Variants in ELL observed in about 807,000 individuals in gnomAD.
ELL encodes the protein elongation factor for RNA polymerase II.
ELL carries 18 observed loss-of-function variants against 64.0 expected under a neutral mutation model. The ratio of observed to expected loss-of-function variants is 0.28; its 90% CI spans 0.19 to 0.42. The LOEUF (loss-of-function observed/expected upper bound fraction) is 0.42. ELL is among the 10% of genes least tolerant of loss of function. ELL has a pLI of 1.00. For synonymous variants in ELL, 399 were observed against 376.2 expected, an observed-to-expected ratio of 1.06 and a Z score of -0.70; for missense variants, 797 against 870.4, an observed-to-expected ratio of 0.92 and a Z score of 1.06.
chr19:18,497,359 G>A (rs1025825744), intron 1 of ELL, among the ~76,000 whole-genome samples: 4 of 152,202 alleles, frequency 2.6e-5, no homozygotes, highest in African/African-American at 7.2e-5. Context: ...GGATGCCAGC[G>A]GGCAGAGGGG....
Position 18,493,468 on chromosome 19 carries a change from C to T in ELL, c.136-20586G>A, listed in dbSNP as rs568573820. On this transcript the variant is annotated intron_variant, in intron 1 of 11. Transcript: ENST00000262809. ...GGCTCCCCAAATGCAGGGCCTGGTG[C>T]TCCAACTTGGGTGGAAAACAGAGAC... Among the ~76,000 whole-genome samples, 9 of 152,374 alleles carry T rather than the reference C, an allele frequency of 5.9e-5. 1 individual carries two copies. In the South Asian group the frequency reaches 1.7e-3, roughly 28 times the overall value.
rs1251461614 is a variant in ELL at position 18,521,977 on chromosome 19, G to T, written c.79C>A (p.His27Asn). The T allele has an allele frequency of 6.2e-7, 1 of 1,611,216 alleles. No individual in the cohort carries two copies. Residue 27 changes from histidine (H) to asparagine (N), a missense_variant, in exon 1 of 12, where the codon CAC (histidine) becomes AAC (asparagine). His to Asn is a moderately conservative substitution (Grantham distance 68). Coordinates refer to ENST00000262809, the MANE Select transcript of ELL (RefSeq NM_006532.4). ...AGGGCACTGTCGGTGAGCTTCACGTGGAACACCGACACCTTGCTGCCGTCG... is the reference window on the plus strand; with the variant it reads ...AGGGCACTGTCGGTGAGCTTCACGTTGAACACCGACACCTTGCTGCCGTCG... ...VSDGSKVSVF[H>N]VKLTDSALRA...
chr19:18,500,530 G>A (rs531016356), intron 1 of ELL, among the ~76,000 whole-genome samples: 53 of 152,336 alleles, frequency 3.5e-4, no homozygotes, highest in African/African-American at 5.3e-4. Flanking sequence ...TGTTCCCAGA[G>A]AGTCCATTCT....
chr19:18,510,888 G>A (rs7254106), intron 1 of ELL, among the ~76,000 whole-genome samples: 13 of 152,270 alleles, frequency 8.5e-5, no homozygotes, highest in African/African-American at 1.2e-4. Context: ...TTGGGAGGCC[G>A]AGGTGGACAG....
At chr19:18,521,854 A>G in intron 1 of ELL, 67 bp downstream of exon 1, 1 of 1,515,594 alleles carries the variant, frequency 6.6e-7, no homozygotes, top group Non-Finnish European at 8.8e-7. Flanking sequence ...CGCCTCAGTG[A>G]GGGGAGCGCG....
chr19:18,446,366 C>T lies in ELL; in HGVS notation c.1647G>A (p.Arg549=), dbSNP rs1974414096. ...LHARIERITR[R]FTQLDAQLRQ... is the part of the protein sequence containing the mutation. Reference sequence around the variant, plus strand: ...GGAGCTGGGCGTCGAGCTGGGTGAACCGCCGCGTGATGCGCTCAATGCGGG... The same window carrying T: ...GGAGCTGGGCGTCGAGCTGGGTGAATCGCCGCGTGATGCGCTCAATGCGGG... Residue 549 remains arginine (R), a synonymous_variant, in exon 10 of 12, where the codon CGG becomes CGA. Coordinates refer to ENST00000262809, the MANE Select transcript of ELL (RefSeq NM_006532.4). 2 of 1,607,960 alleles carry T rather than the reference C, an allele frequency of 1.2e-6. No individual in the cohort carries two copies. The highest frequency in any genetic ancestry group is 1.7e-6 in the Non-Finnish European group (2 of 1,178,598).
intron 11 of ELL, 105 bp from the exon 12 acceptor site, chr19:18,444,973 C>T: frequency 7.7e-7 from 1 of 1,301,008 alleles, no homozygotes; most frequent in South Asian, 1.4e-5. Context: ...GGCTTGGTGC[C>T]CAGCAAGGAG....
chr19:18,503,401 TG>T (rs1373073492), intron 1 of ELL, among the ~76,000 whole-genome samples: 4 of 151,972 alleles, frequency 2.6e-5, no homozygotes, highest in Non-Finnish European at 5.9e-5. Context: ...CCCCAGCAAG[TG>T]GGGGGCACGT....
chr19:18,445,371 G>GCCCCACCCTCCCAT, intron 10 of ELL, 103 bp from the exon 11 acceptor site: 1 of 1,107,088 alleles, frequency 9.0e-7, no homozygotes, highest in Non-Finnish European at 1.4e-6. Context: ...ATGGGAGGGT[G>GCCCCACCCTCCCAT]GGGCAGCCTC....
At chr19:18,493,234 C>A (rs1436579276) in intron 1 of ELL, among the ~76,000 whole-genome samples, 3 of 152,190 alleles carry the variant, frequency 2.0e-5, no homozygotes. Context: ...CCCATCAGGG[C>A]AATTCAGAAA....
chr19:18,458,189 T>A lies in ELL; in HGVS notation c.869+16A>T. The A allele has an allele frequency of 6.2e-7, 1 of 1,606,508 alleles. No homozygotes were observed. Among genetic ancestry groups the A allele is most frequent in the Non-Finnish European group, 8.5e-7 (1 of 1,179,704 alleles). ...ATGCGGGTGGGGACATGCTGGGGGA[T>A]GGGAGGCGGCATTACCGGACGAGCA... On this transcript the variant is annotated intron_variant, in intron 6 of 11. Coordinates refer to ENST00000262809, the MANE Select transcript of ELL (RefSeq NM_006532.4).
At position 18,465,875 on chromosome 19, in the gene ELL, G is replaced by A. The variant is rs146396182; in HGVS notation, c.227C>T (p.Thr76Met). ...GATGTTGGAGAGGTAGAAGGAGAAC[G>A]TCCGCGCCTCTGCGGGGCAGTCAGG... ...PQPDCPAEAR[T>M]FSFYLSNIGR... Residue 76 changes from threonine (T) to methionine (M), a missense_variant, in exon 3 of 12, where the codon ACG (threonine) becomes ATG (methionine). Coordinates refer to ENST00000262809, the MANE Select transcript of ELL (RefSeq NM_006532.4). The A allele has an allele frequency of 1.8e-5, 24 of 1,335,128 alleles. No homozygotes were observed. Among genetic ancestry groups the A allele is most frequent in the African/African-American group, 6.0e-5 (4 of 66,658 alleles). 82.7% of individuals were successfully genotyped at this position (1,335,128 alleles called of 1,614,324 possible).
chr19:18,506,911 A>G (rs1018537520), intron 1 of ELL, among the ~76,000 whole-genome samples: 4 of 152,094 alleles, frequency 2.6e-5, no homozygotes, highest in African/African-American at 9.7e-5. Context: ...AATCCTTCTC[A>G]ACACGGCTCC....
In ELL at chr19:18,443,811, G is replaced by A. The variant is rs1974345721; in HGVS notation, c.*941C>T. On this transcript the variant is annotated 3_prime_UTR_variant, in exon 12 of 12. Transcript: ENST00000262809. ...CTCCCTGAGTGCAAACCTTGGCGGT[G>A]GCTCTGCTAAGACGACCCCAGGACC... 1 of 233,200 alleles carries A rather than the reference G, an allele frequency of 4.3e-6. No individual in the cohort carries two copies. The allele number at this position is 233,200 out of a possible 1,614,324, so 14.4% of individuals were successfully genotyped here.
chr19:18,495,257 G>A (rs572434428), intron 1 of ELL, among the ~76,000 whole-genome samples: 261 of 152,184 alleles, frequency 1.7e-3, no homozygotes, highest in Non-Finnish European at 3.2e-3. Context: ...GGTGGTCTGT[G>A]GAGGAGTGGG....
At chr19:18,512,284 G>C (rs1976041790) in intron 1 of ELL, among the ~76,000 whole-genome samples, 1 of 150,582 alleles carries the variant, frequency 6.6e-6, no homozygotes, top group Admixed American at 6.6e-5. Flanking sequence ...GTGATCACGT[G>C]ATTGCACTCC....
intron 2 of ELL, among the ~76,000 whole-genome samples, chr19:18,471,556 T>G (rs535315918): frequency 6.6e-6 from 1 of 152,178 alleles, no homozygotes. Flanking sequence ...TAATCTCAGC[T>G]ACTTGGGAGG....
chr19:18,489,274 G>A (rs1192418383), intron 1 of ELL, among the ~76,000 whole-genome samples: 2 of 152,200 alleles, frequency 1.3e-5, no homozygotes, highest in Non-Finnish European at 1.5e-5. Flanking sequence ...TCCCAGGAAC[G>A]CTAGCACAAT....
At chr19:18,486,193 TG>T (rs911123910) in intron 1 of ELL, among the ~76,000 whole-genome samples, 4 of 151,784 alleles carry the variant, frequency 2.6e-5, no homozygotes, top group Admixed American at 6.6e-5. Flanking sequence ...CCCTGCAACC[TG>T]GGAAGGAATC....
Sources: allele counts gnomAD v4.1 joint callset (sites outside exome capture counted in the v4.1 genomes callset), GRCh38; gene constraint gnomAD v4.1.1; transcripts MANE v1.5; gene names NCBI Gene and HGNC (gene_info 2026-07-23, HGNC 2026-07-21).